Variants in NUP155 observed in about 807,000 individuals in gnomAD.
NUP155 encodes nucleoporin 155.
NUP155 carries 71 observed loss-of-function variants against 180.4 expected under a neutral mutation model. The observed-to-expected ratio is 0.39, with a 90% confidence interval of 0.33 to 0.48. The LOEUF (loss-of-function observed/expected upper bound fraction) is 0.48. Among genes scored for constraint, NUP155 ranks in the 20% least tolerant of loss-of-function variants. The probability of loss-of-function intolerance (pLI) is 0.91; values close to 1 mark genes in which losing one functional copy is unlikely to be tolerated. For synonymous variants in NUP155, 582 were observed against 559.5 expected, an observed-to-expected ratio of 1.04 and a Z score of -0.57; for missense variants, 1,553 against 1,648.9, an observed-to-expected ratio of 0.94 and a Z score of 1.01.
At chr5:37,353,379 TTGAGA>T (rs1421091387) in intron 4 of NUP155, among the ~76,000 whole-genome samples, 2 of 151,962 alleles carry the variant, frequency 1.3e-5, no homozygotes, top group African/African-American at 4.8e-5. Context: ...GGTCAGGAGT[TTGAGA>T]CCAGCCTGGC....
At chr5:37,342,275 G>T in intron 10 of NUP155, 1 of 348,006 alleles carries the variant, frequency 2.9e-6, no homozygotes, top group African/African-American at 2.1e-5. Flanking sequence ...TTGAACTCCT[G>T]GGCTCAGGCA....
At position 37,292,052 on chromosome 5, in the gene NUP155, GAC is replaced by G. The variant is rs1742262019; in HGVS notation, c.4038-16_4038-15del. On this transcript the variant is annotated splice_polypyrimidine_tract_variant and intron_variant, in intron 34 of 34. Transcript: ENST00000231498. The stretch of plus-strand genomic sequence containing the variant: ...GTAAATCTTCTCCTACAACGAAAAA[GAC>G]ACATGATTAATTATACATTTACAAA... The G allele has an allele frequency of 1.9e-6, 3 of 1,613,556 alleles. No individual in the cohort carries two copies. Among genetic ancestry groups the G allele is most frequent in the Non-Finnish European group, 2.5e-6 (3 of 1,179,542 alleles).
At chr5:37,322,216 G>A (rs1744290767) in intron 20 of NUP155, among the ~76,000 whole-genome samples, 2 of 152,114 alleles carry the variant, frequency 1.3e-5, no homozygotes, top group South Asian at 4.1e-4. Context: ...CGAACTCCTG[G>A]CTTCAAGCAA....
rs568338388 is a variant in NUP155, at chr5:37,351,303, G to C, written c.610C>G (p.Pro204Ala). 6.2e-7 allele frequency: 1 copy of C among 1,612,656 alleles called. No individual in the cohort carries two copies. The highest frequency in any genetic ancestry group is 1.1e-5 in the South Asian group (1 of 90,972). Reference sequence around the variant, plus strand: ...TTATCAGTAGGAAGAGAATATAAAGGATCTGGAAGCAACTGCATTCCACCA... The same window carrying C: ...TTATCAGTAGGAAGAGAATATAAAGCATCTGGAAGCAACTGCATTCCACCA... ...LSGGMQLLPD[P>A]LYSLPTDNTY... Residue 204 changes from proline to alanine, a missense_variant, in exon 6 of 35, where the codon CCT (proline) becomes GCT (alanine). Transcript: ENST00000231498.
At chr5:37,358,433 T>TCA (rs1446416566) in intron 3 of NUP155, among the ~76,000 whole-genome samples, 1 of 152,180 alleles carries the variant, frequency 6.6e-6, no homozygotes, top group Non-Finnish European at 1.5e-5. Context: ...CACTCCAGCC[T>TCA]GGGTGACAAA....
At chr5:37,316,806 T>C (rs1299214422) in intron 21 of NUP155, among the ~76,000 whole-genome samples, 2 of 151,692 alleles carry the variant, frequency 1.3e-5, no homozygotes, top group South Asian at 4.2e-4. Flanking sequence ...GTTCTGGAGA[T>C]AGATGCTGGT....
At chr5:37,370,407 T>C (rs181486046) in intron 1 of NUP155, among the ~76,000 whole-genome samples, 144 of 152,338 alleles carry the variant, frequency 9.5e-4, no homozygotes, top group Non-Finnish European at 1.5e-3. Context: ...GCAAAGCGTA[T>C]CTTTAAGATA....
At chr5:37,327,466 G>A (rs1409802261) in intron 18 of NUP155, among the ~76,000 whole-genome samples, 163 bp downstream of exon 18, 1 of 152,128 alleles carries the variant, frequency 6.6e-6, no homozygotes, top group African/African-American at 2.4e-5. Context: ...AATATAGTTA[G>A]ATAACAAAAA....
chr5:37,356,452 G>A (rs960653640), intron 4 of NUP155, among the ~76,000 whole-genome samples: 3 of 151,924 alleles, frequency 2.0e-5, no homozygotes, highest in Non-Finnish European at 4.4e-5. Context: ...AAACCAGCAT[G>A]GCCAACATGG....
chr5:37,301,913 GA>G (rs1388219935), intron 29 of NUP155, among the ~76,000 whole-genome samples: 4 of 152,200 alleles, frequency 2.6e-5, no homozygotes, highest in African/African-American at 9.6e-5. Context: ...TTAAGACAGT[GA>G]ATGTGTTCTT....
intron 17 of NUP155, 47 bp downstream of exon 17, chr5:37,328,311 G>A (rs1744738020): frequency 2.3e-6 from 3 of 1,307,462 alleles, no homozygotes; most frequent in Non-Finnish European, 3.3e-6. Flanking sequence ...AACTCATAAT[G>A]TTAGCACTTC....
chr5:37,307,169 G>T, intron 25 of NUP155, 128 bp downstream of exon 25: 1 of 884,746 alleles, frequency 1.1e-6, no homozygotes, highest in Non-Finnish European at 1.7e-6. Context: ...CTGCACTCCA[G>T]CCCAGGTGAC....
At chr5:37,315,298 C>T (rs1743812094) in intron 21 of NUP155, among the ~76,000 whole-genome samples, 1 of 152,156 alleles carries the variant, frequency 6.6e-6, no homozygotes, top group Non-Finnish European at 1.5e-5. Flanking sequence ...CAATGGAAGG[C>T]AAAAGAACTT....
Position 37,371,038 on chromosome 5 carries a change from G to C in NUP155, c.-61C>G. 3 of 1,578,272 alleles carry C rather than the reference G, an allele frequency of 1.9e-6. No homozygotes were observed. The highest frequency in any genetic ancestry group is 1.7e-5 in the Admixed American group (1 of 59,386). On this transcript the variant is annotated 5_prime_UTR_variant, in exon 1 of 35. It adds an upstream start codon to the 5' untranslated region. Coordinates refer to ENST00000231498, the MANE Select transcript of NUP155 (RefSeq NM_153485.3). ...CAAAAACCAAGGAGAAACAAGAAAA[G>C]ATCCAAGAAGTTAGCTTAGATCCGC...
intron 33 of NUP155, among the ~76,000 whole-genome samples, chr5:37,293,952 T>C (rs1742368057): frequency 4.1e-5 from 3 of 72,546 alleles, no homozygotes; most frequent in African/African-American, 7.4e-4. Flanking sequence ...TGAGCCGAGA[T>C]TGCGCCACTG....
At chr5:37,296,511 C>G (rs1338096067) in intron 32 of NUP155, among the ~76,000 whole-genome samples, 2 of 151,822 alleles carry the variant, frequency 1.3e-5, no homozygotes, top group Non-Finnish European at 2.9e-5. Flanking sequence ...GAGTCATCAC[C>G]ACTCCCTAAT....
intron 18 of NUP155, among the ~76,000 whole-genome samples, chr5:37,326,325 CTAAGA>C (rs1744597504): frequency 6.6e-6 from 1 of 152,112 alleles, no homozygotes; most frequent in Non-Finnish European, 1.5e-5. Flanking sequence ...TGATAGCTAA[CTAAGA>C]TAACATGATA....
intron 22 of NUP155, among the ~76,000 whole-genome samples, chr5:37,312,053 AAAT>A (rs1205379033): frequency 1.3e-4 from 20 of 152,120 alleles, no homozygotes; most frequent in African/African-American, 4.8e-4. Context: ...ACAAATAAAT[AAAT>A]ATTACCCTTT....
chr5:37,307,209 A>T, intron 25 of NUP155, 88 bp downstream of exon 25: 2 of 1,405,066 alleles, frequency 1.4e-6, no homozygotes, highest in African/African-American at 2.9e-5. Flanking sequence ...AAAAAAAAAA[A>T]AAAACATAAA....
Sources: gnomAD v4.1 joint callset for allele counts (sites outside exome capture counted in the v4.1 genomes callset) on GRCh38, gnomAD v4.1.1 for gene constraint, MANE v1.5 for transcripts, NCBI Gene and HGNC (gene_info 2026-07-23, HGNC 2026-07-21) for gene names.